The following NUP107 variants were observed in gnomAD, a reference collection of about 807,000 sequenced individuals.
The protein encoded by NUP107 is nuclear pore complex protein Nup107.
NUP107 carries 101 observed loss-of-function variants against 141.0 expected under a neutral mutation model. The observed-to-expected ratio is 0.72, with a 90% CI of 0.61 to 0.84. The LOEUF (loss-of-function observed/expected upper bound fraction) is 0.84. Among genes scored for constraint, NUP107 ranks in the 40% least tolerant of loss-of-function variants. The pLI is 0.00. For synonymous variants in NUP107, 319 were observed against 363.9 expected (o/e 0.88, Z 1.41); for missense variants, 941 against 1,102.7 (o/e 0.85, Z 2.08).
rs1037069650 is a variant in NUP107 at position 68,744,102 on chromosome 12, A to G, written c.*1640A>G. On this transcript the variant is annotated 3_prime_UTR_variant, in exon 28 of 28. Coordinates refer to ENST00000229179, the MANE Select transcript of NUP107 (RefSeq NM_020401.4). ...TGACTATTTCCAAAGACTGTTACCT[A>G]TTTGTTGAACAACAGTGGGAAAACT... 1 of 152,200 alleles carries G rather than the reference A, an allele frequency of 6.6e-6. No individual in the cohort carries two copies. Among genetic ancestry groups the G allele is most frequent in the African/African-American group, 2.4e-5 (1 of 41,456 alleles). The allele number at this position is 152,200 out of a possible 1,614,324, so 9.4% of individuals were successfully genotyped here.
At chr12:68,696,793 CT>C (rs35640989) in intron 5 of NUP107, 25 bp from the exon 6 acceptor site, 59,634 of 994,074 alleles carry the variant, frequency 0.06, 11 homozygotes, top group South Asian at 0.13. Context: ...TTCTTTATTC[CT>C]TTTTTTTTTT....
At chr12:68,724,398 C>A (rs1877473150) in intron 17 of NUP107, among the ~76,000 whole-genome samples, 1 of 152,016 alleles carries the variant, frequency 6.6e-6, no homozygotes, top group East Asian at 1.9e-4. Flanking sequence ...CCAAAATTAG[C>A]ATAAAAACCT....
At chr12:68,726,169 T>C (rs1355775270) in intron 18 of NUP107, among the ~76,000 whole-genome samples, 1 of 152,182 alleles carries the variant, frequency 6.6e-6, no homozygotes, top group Non-Finnish European at 1.5e-5. Context: ...TTACTCTTTA[T>C]GAGTTCTTCA....
At chr12:68,711,535 CAAA>C (rs36048355) in intron 10 of NUP107, among the ~76,000 whole-genome samples, 1 of 124,452 alleles carries the variant, frequency 8.0e-6, no homozygotes. Flanking sequence ...GACTCCACCT[CAAA>C]AAAAAAAAAA....
intron 17 of NUP107, among the ~76,000 whole-genome samples, chr12:68,723,602 A>G (rs1877440942): frequency 6.6e-6 from 1 of 152,180 alleles, no homozygotes; most frequent in African/African-American, 2.4e-5. Flanking sequence ...GTCTCAAAAA[A>G]AAAGAAAAAA....
At chr12:68,693,342 C>G (rs1300036025) in intron 5 of NUP107, among the ~76,000 whole-genome samples, 1 of 151,954 alleles carries the variant, frequency 6.6e-6, no homozygotes, top group Non-Finnish European at 1.5e-5. Flanking sequence ...CTCCCAAAGT[C>G]CTGAGATTAC....
chr12:68,724,729 C>T (rs1450527699), intron 17 of NUP107, among the ~76,000 whole-genome samples: 4 of 151,766 alleles, frequency 2.6e-5, no homozygotes, highest in East Asian at 3.9e-4. Context: ...TGCAGTGAGC[C>T]GTGATTGTAC....
chr12:68,723,479 C>G (rs1165647952), intron 17 of NUP107, among the ~76,000 whole-genome samples: 2 of 152,024 alleles, frequency 1.3e-5, no homozygotes, highest in Non-Finnish European at 2.9e-5. Flanking sequence ...GCCTGTAATC[C>G]CAGCTACTTG....
chr12:68,709,352 A>C (rs1876738876), intron 9 of NUP107, 43 bp downstream of exon 9: 1 of 1,202,144 alleles, frequency 8.3e-7, no homozygotes, highest in African/African-American at 1.5e-5. Context: ...AACATGGAGA[A>C]AAGGTTAATG....
Position 68,744,037 on chromosome 12 carries a change from G to T in NUP107, c.*1575G>T, listed in dbSNP as rs916726747. 7 of 152,182 alleles carry T rather than the reference G, an allele frequency of 4.6e-5. No homozygotes were observed. Among genetic ancestry groups the T allele is most frequent in the Non-Finnish European group, 8.8e-5 (6 of 68,026 alleles). The allele number at this position is 152,182 out of a possible 1,614,324, so 9.4% of individuals were successfully genotyped here. ...AGTCTTAAAAGTAGTTTTGTTACTT[G>T]CAACAAACTGTATATATAGAAACTT... On this transcript the variant is annotated 3_prime_UTR_variant, in exon 28 of 28. Coordinates refer to ENST00000229179, the MANE Select transcript of NUP107 (RefSeq NM_020401.4).
In NUP107 at chr12:68,709,393, TA is replaced by T. The variant is rs141870506; in HGVS notation, c.801+88del. On this transcript the variant is annotated intron_variant, in intron 9 of 27. Transcript: ENST00000229179. The stretch of plus-strand genomic sequence containing the variant: ...CAAAGTACTGAAGTGTTTTTTAACT[TA>T]AAACTGTTTTCTGAATTTTTTTTCT... 1,706 of 734,018 alleles carry T rather than the reference TA, an allele frequency of 2.3e-3. 21 individuals carry two copies. The African/African-American group carries it at 0.027, about 11-fold the overall frequency. 45.5% of individuals were successfully genotyped at this position (734,018 alleles called of 1,614,324 possible).
intron 26 of NUP107, among the ~76,000 whole-genome samples, chr12:68,737,447 G>C (rs1878124604): frequency 1.3e-5 from 2 of 151,214 alleles, no homozygotes; most frequent in South Asian, 4.2e-4. Context: ...CATGCCTGTA[G>C]TCCCAGCTAC....
At chr12:68,718,165 A>G (rs1877191482) in intron 12 of NUP107, among the ~76,000 whole-genome samples, 1 of 152,192 alleles carries the variant, frequency 6.6e-6, no homozygotes, top group Admixed American at 6.5e-5. Flanking sequence ...ATGTTGTATC[A>G]GAGATGGATA....
In NUP107 at chr12:68,745,547, TG is replaced by T. The variant is rs959987991; in HGVS notation, c.*3086del. 17 of 152,236 alleles carry T rather than the reference TG, an allele frequency of 1.1e-4. No individual in the cohort carries two copies. Among genetic ancestry groups the T allele is most frequent in the African/African-American group, 3.9e-4 (16 of 41,458 alleles). The allele number at this position is 152,236 out of a possible 1,614,324, so 9.4% of individuals were successfully genotyped here. On this transcript the variant is annotated 3_prime_UTR_variant, in exon 28 of 28. Transcript: ENST00000229179. Reference sequence around the variant, plus strand: ...CTGATCCAAAACATATATATATATTTGTATGCACCCCTAGAGACAGCTGTAT... The same window carrying T: ...CTGATCCAAAACATATATATATATTTTATGCACCCCTAGAGACAGCTGTAT...
intron 2 of NUP107, 28 bp from the exon 3 acceptor site, chr12:68,689,504 TG>T (rs763041341): frequency 1.5e-6 from 2 of 1,316,950 alleles, no homozygotes; most frequent in Admixed American, 4.3e-5. Flanking sequence ...CTTTTCTACA[TG>T]GAAAACTTTT....
At chr12:68,689,141 A>G (rs1408077233) in intron 2 of NUP107, 88 bp downstream of exon 2, 4 of 963,140 alleles carry the variant, frequency 4.2e-6, no homozygotes, top group Non-Finnish European at 6.2e-6. Flanking sequence ...AGAGTATTAA[A>G]TGGTAGCTAT....
At chr12:68,698,158 A>G (rs1225945508) in intron 6 of NUP107, among the ~76,000 whole-genome samples, 1 of 151,552 alleles carries the variant, frequency 6.6e-6, no homozygotes, top group Non-Finnish European at 1.5e-5. Context: ...GGCTCCTGCC[A>G]GTAATCCCAA....
chr12:68,734,027 T>C (rs1464007181), intron 24 of NUP107, among the ~76,000 whole-genome samples: 1 of 152,116 alleles, frequency 6.6e-6, no homozygotes, highest in African/African-American at 2.4e-5. Context: ...TCCCAACACT[T>C]CGGGATGCCA....
At chr12:68,722,265 A>G (rs999071061) in intron 17 of NUP107, 113 bp downstream of exon 17, 1 of 783,604 alleles carries the variant, frequency 1.3e-6, no homozygotes, top group African/African-American at 1.8e-5. Flanking sequence ...CTCACCTATT[A>G]AAATAAGAAT....
Sources: gnomAD v4.1 joint callset for allele counts (sites outside exome capture counted in the v4.1 genomes callset) on GRCh38, gnomAD v4.1.1 for gene constraint, MANE v1.5 for transcripts, NCBI Gene and HGNC (gene_info 2026-07-23, HGNC 2026-07-21) for gene names.